The following EYS variants were observed in gnomAD, a reference collection of about 807,000 sequenced individuals.
EYS encodes EGF-like photoreceptor maintenance factor.
Under a neutral mutation model 282.1 loss-of-function variants are expected in EYS, and 250 were observed. The ratio of observed to expected loss-of-function variants is 0.89; its 90% CI spans 0.80 to 0.98. The LOEUF (loss-of-function observed/expected upper bound fraction) is 0.98. EYS is among the 50% of genes least tolerant of loss of function. EYS has a pLI of 0.00. For missense variants in EYS, 4,016 were observed against 3,709.0 expected (o/e 1.08, Z -2.15); for synonymous variants, 1,355 against 1,282.9 (o/e 1.06, Z -1.20).
chr6:63,779,191 G>C (rs1562022057), intron 39 of EYS: 1 of 151,738 alleles, frequency 6.6e-6, no homozygotes, highest in Admixed American at 6.6e-5. Flanking sequence ...GGGAACGGTG[G>C]CTCATGCCTG....
rs140939211 is a variant in EYS, at chr6:65,164,360, A to G, written c.2024-106633T>C. On this transcript the variant is annotated intron_variant, in intron 12 of 42. Coordinates refer to ENST00000503581, the MANE Select transcript of EYS (RefSeq NM_001142800.2). ...TAATGATTTTCAGGTCTATTGATCT[A>G]TTGATTGCTAAGAGAAGACTGCTTA... 5.3e-5 allele frequency among the ~76,000 whole-genome samples: 8 copies of G among 151,456 alleles called. No individual in the cohort carries two copies. In the East Asian group the frequency reaches 1.6e-3, roughly 30 times the overall value.
At chr6:63,881,816 G>A (rs1022102461) in intron 35 of EYS, among the ~76,000 whole-genome samples, 2 of 152,072 alleles carry the variant, frequency 1.3e-5, no homozygotes, top group African/African-American at 2.4e-5. Context: ...TATATTAGTT[G>A]TTTTCAATCT....
In EYS at chr6:65,624,659, G is replaced by A. The variant is rs554784618; in HGVS notation, c.-333+15119C>T. Among the ~76,000 whole-genome samples, 24 of 152,272 alleles carry A rather than the reference G, an allele frequency of 1.6e-4. No individual in the cohort carries two copies. In the East Asian group the frequency reaches 4.6e-3, roughly 29 times the overall value. On this transcript the variant is annotated intron_variant, in intron 2 of 42. Coordinates refer to ENST00000503581, the MANE Select transcript of EYS (RefSeq NM_001142800.2). ...CTGCCAGAGCAGCTAGAATAAAGCA[G>A]GCAGGAGAAGGTGGAAGAGCAGACC... is the stretch of plus-strand genomic sequence containing the variant.
intron 2 of EYS, among the ~76,000 whole-genome samples, chr6:65,591,668 C>A (rs1013911184): frequency 4.6e-5 from 7 of 151,998 alleles, no homozygotes; most frequent in African/African-American, 7.2e-5. Context: ...ATGCATGTCA[C>A]CATTCTCTCT....
rs566240932 is a variant in EYS, at chr6:63,786,787, G to C, written c.7723+1318C>G. On this transcript the variant is annotated intron_variant, in intron 39 of 42. Coordinates refer to ENST00000503581, the MANE Select transcript of EYS (RefSeq NM_001142800.2). Reference sequence around the variant, plus strand: ...GCAAATTTTTAGATCCCACTGTAAAGATTTCAATTCAATAGTTCTTGGGTA... The same window carrying C: ...GCAAATTTTTAGATCCCACTGTAAACATTTCAATTCAATAGTTCTTGGGTA... 9.9e-5 allele frequency among the ~76,000 whole-genome samples: 15 copies of C among 152,198 alleles called. No individual in the cohort carries two copies. In the South Asian group the frequency reaches 3.1e-3, roughly 32 times the overall value.
chr6:65,470,127 A>C (rs1244621761), intron 5 of EYS, among the ~76,000 whole-genome samples: 1 of 152,178 alleles, frequency 6.6e-6, no homozygotes, highest in African/African-American at 2.4e-5. Context: ...ATATGCCAGC[A>C]ATTAAAATAT....
In EYS at chr6:64,382,775, A is replaced by G. The variant is rs1008170278; in HGVS notation, c.6078+5915T>C. 2.6e-5 allele frequency among the ~76,000 whole-genome samples: 4 copies of G among 152,364 alleles called. No homozygotes were observed. In the East Asian group the frequency reaches 7.7e-4, roughly 29 times the overall value. On this transcript the variant is annotated intron_variant, in intron 29 of 42. Transcript: ENST00000503581. The stretch of plus-strand genomic sequence containing the variant: ...CTTGAGTGGAGACAGATCCAGGGAC[A>G]GGCCCTTCCGGACTATTGGCACTCA...
chr6:64,566,736 G>C (rs989757971), intron 26 of EYS, among the ~76,000 whole-genome samples: 2 of 151,956 alleles, frequency 1.3e-5, no homozygotes, highest in Non-Finnish European at 2.9e-5. Context: ...CAAAGCATTT[G>C]ATCCTGTGCA....
intron 31 of EYS, among the ~76,000 whole-genome samples, chr6:64,127,439 GAGT>G (rs1455532136): frequency 1.3e-5 from 2 of 152,112 alleles, no homozygotes; most frequent in East Asian, 3.8e-4. Flanking sequence ...GCTTTAGTTG[GAGT>G]AGATTTTTTC....
At chr6:64,190,661 C>T (rs771598679) in intron 31 of EYS, among the ~76,000 whole-genome samples, 1 of 152,086 alleles carries the variant, frequency 6.6e-6, no homozygotes, top group Admixed American at 6.6e-5. Context: ...TTTGTGACAG[C>T]GATGAGACTG....
At chr6:63,913,378 G>A (rs976703519) in intron 35 of EYS, among the ~76,000 whole-genome samples, 1 of 152,128 alleles carries the variant, frequency 6.6e-6, no homozygotes, top group Non-Finnish European at 1.5e-5. Flanking sequence ...CTCATTTAAG[G>A]CATACAGTTC....
At chr6:65,368,038 C>A (rs1764981173) in intron 8 of EYS, among the ~76,000 whole-genome samples, 1 of 151,388 alleles carries the variant, frequency 6.6e-6, no homozygotes. Flanking sequence ...ACAATCATGG[C>A]AAAAGGGGAA....
intron 33 of EYS, among the ~76,000 whole-genome samples, chr6:64,008,029 T>G (rs1768432997): frequency 6.6e-6 from 1 of 152,138 alleles, no homozygotes; most frequent in Admixed American, 6.5e-5. Context: ...CCTGAATATC[T>G]TTGTCAGTTT....
At chr6:63,806,050 T>C (rs780680265) in intron 37 of EYS, 140 bp downstream of exon 37, 2 of 680,016 alleles carry the variant, frequency 2.9e-6, no homozygotes, top group Admixed American at 6.1e-5. Context: ...ACAGCGAACA[T>C]GCTCAAGGCA....
chr6:63,824,934 C>T (rs1393278923), intron 36 of EYS, among the ~76,000 whole-genome samples: 4 of 152,208 alleles, frequency 2.6e-5, no homozygotes, highest in Admixed American at 6.5e-5. Context: ...GCGCCAATCC[C>T]GCTTGCAGAG....
intron 22 of EYS, among the ~76,000 whole-genome samples, chr6:64,792,841 T>C (rs1296969384): frequency 6.6e-6 from 1 of 151,826 alleles, no homozygotes; most frequent in South Asian, 2.1e-4. Flanking sequence ...TGTTTTAATT[T>C]CATACGATCT....
At chr6:64,524,693 C>T (rs1408443631) in intron 26 of EYS, among the ~76,000 whole-genome samples, 2 of 151,738 alleles carry the variant, frequency 1.3e-5, no homozygotes, top group African/African-American at 4.8e-5. Flanking sequence ...ATATGGCTAG[C>T]CAGTTATCCC....
At chr6:64,209,249 A>C (rs1321195142) in intron 31 of EYS, among the ~76,000 whole-genome samples, 1 of 152,134 alleles carries the variant, frequency 6.6e-6, no homozygotes, top group Non-Finnish European at 1.5e-5. Context: ...TCTATAATAC[A>C]TATTTTTCCT....
chr6:64,524,430 A>AT (rs1777851942), intron 26 of EYS, among the ~76,000 whole-genome samples: 2 of 151,632 alleles, frequency 1.3e-5, no homozygotes, highest in African/African-American at 4.8e-5. Flanking sequence ...TAGGTTGTCT[A>AT]TTTCCTCTGT....
Sources: allele counts gnomAD v4.1 joint callset (sites outside exome capture counted in the v4.1 genomes callset), GRCh38; gene constraint gnomAD v4.1.1; transcripts MANE v1.5; gene names NCBI Gene and HGNC (gene_info 2026-07-23, HGNC 2026-07-21).